Variants in ECHDC1 observed in about 807,000 individuals in gnomAD.
ECHDC1 encodes ethylmalonyl-CoA decarboxylase.
ECHDC1 carries 29 observed loss-of-function variants against 29.7 expected under a neutral mutation model. That is an observed-to-expected ratio of 0.98 (90% confidence interval 0.73 to 1.33). The LOEUF is 1.33. ECHDC1 is among the 40% of genes most tolerant of loss of function. The pLI, the probability that ECHDC1 is intolerant of heterozygous loss-of-function variation, is 0.00. For synonymous variants in ECHDC1, 126 were observed against 123.1 expected, an observed-to-expected ratio of 1.02 and a Z score of -0.15; for missense variants, 328 against 350.0, an observed-to-expected ratio of 0.94 and a Z score of 0.50.
chr6:127,309,711 A>C (rs762673485), intron 5 of ECHDC1, among the ~76,000 whole-genome samples: 1 of 152,192 alleles, frequency 6.6e-6, no homozygotes, highest in Non-Finnish European at 1.5e-5. Context: ...ATTTATGAAG[A>C]AAAGAGGTTT....
chr6:127,341,597 AAAG>A (rs1278271820), intron 1 of ECHDC1: 7 of 152,206 alleles, frequency 4.6e-5, no homozygotes, highest in African/African-American at 1.7e-4. Context: ...GCCCCACCAC[AAAG>A]AAGATTCAGT....
chr6:127,315,227 A>C, intron 4 of ECHDC1: 1 of 465,598 alleles, frequency 2.1e-6, no homozygotes, highest in East Asian at 5.9e-5. Flanking sequence ...AGCTCCTGGA[A>C]CTTCTCAGCA....
chr6:127,316,739 T>A (rs1782415302), intron 3 of ECHDC1, among the ~76,000 whole-genome samples: 1 of 152,010 alleles, frequency 6.6e-6, no homozygotes, highest in Non-Finnish European at 1.5e-5. Context: ...GATGTAGGGA[T>A]AAGAGACAGA....
At chr6:127,292,497 GTGCTTATGTAC>G (rs1024791197) in intron 5 of ECHDC1, among the ~76,000 whole-genome samples, 1 of 151,916 alleles carries the variant, frequency 6.6e-6, no homozygotes, top group African/African-American at 2.4e-5. Flanking sequence ...TACCTCGGGT[GTGCTTATGTAC>G]TGATATACAT....
At chr6:127,341,837 A>G (rs1022210901) in intron 1 of ECHDC1, among the ~76,000 whole-genome samples, 2 of 152,252 alleles carry the variant, frequency 1.3e-5, no homozygotes, top group African/African-American at 4.8e-5. Flanking sequence ...AAAGAAAACA[A>G]TTAGCCTAGA....
At chr6:127,301,281 A>G (rs1019977637) in intron 5 of ECHDC1, among the ~76,000 whole-genome samples, 3 of 152,212 alleles carry the variant, frequency 2.0e-5, no homozygotes, top group African/African-American at 7.2e-5. Flanking sequence ...GGAAGGGGAC[A>G]GTGTTAGAAT....
intron 5 of ECHDC1, among the ~76,000 whole-genome samples, chr6:127,295,137 C>T (rs1457527059): frequency 6.6e-6 from 1 of 151,938 alleles, no homozygotes; most frequent in African/African-American, 2.4e-5. Flanking sequence ...TTAGTATAGA[C>T]GAGGTTTCAC....
intron 3 of ECHDC1, among the ~76,000 whole-genome samples, chr6:127,323,708 T>C (rs1783045169): frequency 2.0e-5 from 3 of 152,144 alleles, no homozygotes; most frequent in Non-Finnish European, 4.4e-5. Flanking sequence ...CATGTGCAAA[T>C]AATAATCATA....
intron 5 of ECHDC1, among the ~76,000 whole-genome samples, chr6:127,297,760 A>G (rs1229411047): frequency 6.6e-6 from 1 of 152,200 alleles, no homozygotes; most frequent in African/African-American, 2.4e-5. Context: ...ACAGCTGCAG[A>G]GATAAGGAGA....
chr6:127,297,920 G>A (rs986001513), intron 5 of ECHDC1, among the ~76,000 whole-genome samples: 9 of 152,078 alleles, frequency 5.9e-5, no homozygotes, highest in African/African-American at 1.9e-4. Flanking sequence ...TCCCCCTTGC[G>A]TCCATGCTCC....
At chr6:127,338,332 C>T (rs777760647) in intron 1 of ECHDC1, among the ~76,000 whole-genome samples, 3 of 152,052 alleles carry the variant, frequency 2.0e-5, no homozygotes, top group Non-Finnish European at 2.9e-5. Context: ...ACTCAAATAT[C>T]TAATTGAAAA....
chr6:127,296,471 T>C, intron 5 of ECHDC1, among the ~76,000 whole-genome samples: 1 of 152,036 alleles, frequency 6.6e-6, no homozygotes, highest in East Asian at 1.9e-4. Context: ...CCATGTTTTT[T>C]TAAAAAGGCT....
chr6:127,331,961 A>C (rs1435467588), intron 1 of ECHDC1: 1 of 760,520 alleles, frequency 1.3e-6, no homozygotes, highest in Non-Finnish European at 1.6e-6. Flanking sequence ...TTACCTCCTG[A>C]GTAATCTCAT....
chr6:127,331,515 T>C (rs1339909337), intron 1 of ECHDC1, among the ~76,000 whole-genome samples: 1 of 152,054 alleles, frequency 6.6e-6, no homozygotes, highest in Non-Finnish European at 1.5e-5. Flanking sequence ...TTTCCCTCCT[T>C]CTCAAACCAA....
intron 1 of ECHDC1, among the ~76,000 whole-genome samples, chr6:127,341,065 T>G (rs193118906): frequency 5.6e-4 from 85 of 152,358 alleles, no homozygotes; most frequent in African/African-American, 2.0e-3. Context: ...GATCCATCAC[T>G]GAAATGCCAA....
intron 5 of ECHDC1, among the ~76,000 whole-genome samples, chr6:127,304,346 C>T (rs750407923): frequency 3.3e-5 from 5 of 152,138 alleles, no homozygotes; most frequent in African/African-American, 1.2e-4. Flanking sequence ...TACGGGGCTT[C>T]GGGTGCCCTC....
intron 3 of ECHDC1, 21 bp downstream of exon 3, chr6:127,326,981 C>T: frequency 6.2e-7 from 1 of 1,605,964 alleles, no homozygotes; most frequent in Non-Finnish European, 8.5e-7. Context: ...GAATCAAATG[C>T]ATAATTCATA....
intron 5 of ECHDC1, among the ~76,000 whole-genome samples, chr6:127,303,349 A>G (rs561403683): frequency 1.3e-5 from 2 of 152,222 alleles, no homozygotes; most frequent in African/African-American, 2.4e-5. Context: ...ACAACAGGAA[A>G]GTTCTTGAAG....
intron 2 of ECHDC1, chr6:127,329,834 C>T: frequency 2.2e-6 from 1 of 448,162 alleles, no homozygotes; most frequent in East Asian, 7.0e-5. Flanking sequence ...TTGTTTCTTA[C>T]ATTATGTTTT....
Sources: allele counts gnomAD v4.1 joint callset (sites outside exome capture counted in the v4.1 genomes callset), GRCh38; gene constraint gnomAD v4.1.1; transcripts MANE v1.5; gene names NCBI Gene and HGNC (gene_info 2026-07-23, HGNC 2026-07-21).